The following MAP2K5 variants were observed in gnomAD, a reference collection of about 807,000 sequenced individuals.
MAP2K5 encodes the protein mitogen-activated protein kinase kinase 5, also known as dual specificity mitogen-activated protein kinase kinase 5.
Under a neutral mutation model 83.1 loss-of-function variants are expected in MAP2K5, and 49 were observed. The ratio of observed to expected loss-of-function variants is 0.59; its 90% CI spans 0.47 to 0.75. The LOEUF is 0.75. Ranked by LOEUF, MAP2K5 falls within the 30% of genes least tolerant of loss-of-function variation. MAP2K5 has a pLI of 0.00. For synonymous variants in MAP2K5, 202 were observed against 191.8 expected, an observed-to-expected ratio of 1.05 and a Z score of -0.44; for missense variants, 457 against 557.5, an observed-to-expected ratio of 0.82 and a Z score of 1.82.
At chr15:67,694,485 G>C (rs1247726769) in intron 15 of MAP2K5, among the ~76,000 whole-genome samples, 1 of 151,914 alleles carries the variant, frequency 6.6e-6, no homozygotes, top group Non-Finnish European at 1.5e-5. Context: ...AAAGATTTAG[G>C]GATGGAAAAA....
At position 67,543,551 on chromosome 15, in the gene MAP2K5, C is replaced by A; in HGVS notation, c.135+81C>A. ...AGTCAGCACCTTGACCACTGGTGACCTGAGCCAGTGGCAATGGCTACTGCT... is the reference window on the plus strand; with the variant it reads ...AGTCAGCACCTTGACCACTGGTGACATGAGCCAGTGGCAATGGCTACTGCT... On this transcript the variant is annotated intron_variant, in intron 1 of 21. Transcript: ENST00000178640. The surrounding 1 kb of genome is among the most constrained non-coding windows in gnomAD (Gnocchi z 4.3). The A allele has an allele frequency of 6.5e-7, 1 of 1,533,600 alleles. No homozygotes were observed. Among genetic ancestry groups the A allele is most frequent in the South Asian group, 1.1e-5 (1 of 87,494 alleles). The allele number at this position is 1,533,600 out of a possible 1,614,324, so 95.0% of individuals were successfully genotyped here.
At chr15:67,773,140 A>G (rs16951258) in intron 21 of MAP2K5, among the ~76,000 whole-genome samples, 17,852 of 152,162 alleles carry the variant, frequency 0.12, 1,124 homozygotes, top group African/African-American at 0.14. Flanking sequence ...GTCCTCTTAG[A>G]TTCATGTAGA....
intron 4 of MAP2K5, 86 bp from the exon 5 acceptor site, chr15:67,585,804 C>A (rs1015523745): frequency 1.7e-6 from 2 of 1,156,344 alleles, no homozygotes; most frequent in African/African-American, 3.0e-5. Context: ...TTTGGTGTCA[C>A]CCTCATTTCT....
At chr15:67,604,692 T>A (rs1260789756) in intron 8 of MAP2K5, among the ~76,000 whole-genome samples, 1 of 151,888 alleles carries the variant, frequency 6.6e-6, no homozygotes, top group African/African-American at 2.4e-5. Context: ...GTCAAGAGAT[T>A]GAGACCATCC....
At chr15:67,549,038 C>G (rs1567265523) in intron 1 of MAP2K5, 1 of 1,486,180 alleles carries the variant, frequency 6.7e-7, no homozygotes, top group Non-Finnish European at 8.9e-7. Flanking sequence ...CTTGGAAAGG[C>G]TGTGGGCTCC....
At chr15:67,547,823 G>T (rs991654104) in intron 1 of MAP2K5, among the ~76,000 whole-genome samples, 1 of 152,172 alleles carries the variant, frequency 6.6e-6, no homozygotes, top group African/African-American at 2.4e-5. Flanking sequence ...GCAGAAGAAG[G>T]CCGCTTGGAA....
At position 67,736,102 on chromosome 15, in the gene MAP2K5, C is replaced by T. The variant is rs1322341640; in HGVS notation, c.1074+8157C>T. Among the ~76,000 whole-genome samples the T allele has an allele frequency of 1.3e-5, 2 of 152,064 alleles. No individual in the cohort carries two copies. Among genetic ancestry groups the T allele is most frequent in the Admixed American group, 6.6e-5 (1 of 15,264 alleles). On this transcript the variant is annotated intron_variant, in intron 17 of 21. Transcript: ENST00000178640. The surrounding 1 kb of genome is among the most constrained non-coding windows in gnomAD (Gnocchi z 4.3). ...TCTCCTAGGTAACTTTTAAAGTCAC[C>T]GTGGGAAGGAAGTAAGAAAAGGGAG...
intron 8 of MAP2K5, chr15:67,627,843 C>T (rs56056420): frequency 7.7e-6 from 4 of 518,772 alleles, no homozygotes; most frequent in East Asian, 7.6e-5. Context: ...TCTGTTCTCC[C>T]TGCTGTCATG....
intron 21 of MAP2K5, among the ~76,000 whole-genome samples, chr15:67,797,612 T>A (rs986392880): frequency 3.3e-5 from 5 of 152,228 alleles, no homozygotes; most frequent in African/African-American, 1.2e-4. Flanking sequence ...ATAGTTTTTC[T>A]AGGTATAGAT....
rs1397716597 is a variant in MAP2K5, at chr15:67,757,056, C to A, written c.1134+8455C>A. ...GTGATTTATTTCCTTTAGATATACA[C>A]CGAGAAGTTGGATTACTGAATCATA... On this transcript the variant is annotated intron_variant, in intron 19 of 21. Coordinates refer to ENST00000178640, the MANE Select transcript of MAP2K5 (RefSeq NM_145160.3). This position sits in a 1 kb window ranked among gnomAD's most constrained non-coding sequence, Gnocchi z 4.9. Among the ~76,000 whole-genome samples the A allele has an allele frequency of 1.3e-5, 2 of 152,216 alleles. No homozygotes were observed. Among genetic ancestry groups the A allele is most frequent in the Non-Finnish European group, 2.9e-5 (2 of 67,996 alleles).
chr15:67,560,956 A>G (rs2084723674), intron 2 of MAP2K5, among the ~76,000 whole-genome samples: 1 of 152,200 alleles, frequency 6.6e-6, no homozygotes, highest in Admixed American at 6.5e-5. Flanking sequence ...TCGTTTTACC[A>G]AAATATAAGC....
Position 67,636,176 on chromosome 15 carries a change from G to A in MAP2K5, c.585+5249G>A, listed in dbSNP as rs2086598379. Among the ~76,000 whole-genome samples the A allele has an allele frequency of 6.6e-6, 1 of 152,150 alleles. No individual in the cohort carries two copies. The highest frequency in any genetic ancestry group is 1.5e-5 in the Non-Finnish European group (1 of 68,036). ...GCCTGTAATCCCAGCACTTTGAAAG[G>A]CTGAGGTGGGCGGATCATGAGGTCA... On this transcript the variant is annotated intron_variant, in intron 9 of 21. Transcript: ENST00000178640. The surrounding 1 kb of genome is among the most constrained non-coding windows in gnomAD (Gnocchi z 4.7).
intron 16 of MAP2K5, among the ~76,000 whole-genome samples, chr15:67,714,747 A>G (rs2088790041): frequency 6.6e-6 from 1 of 152,148 alleles, no homozygotes; most frequent in African/African-American, 2.4e-5. Context: ...AGTACTCCCA[A>G]ATTCGAAATT....
At chr15:67,586,582 G>C (rs2085296486) in intron 5 of MAP2K5, among the ~76,000 whole-genome samples, 1 of 152,292 alleles carries the variant, frequency 6.6e-6, no homozygotes, top group Non-Finnish European at 1.5e-5. Context: ...TCTAGACAGT[G>C]AGTTGGATTT....
At chr15:67,545,310 T>C (rs35948216) in intron 1 of MAP2K5, among the ~76,000 whole-genome samples, 1 of 152,236 alleles carries the variant, frequency 6.6e-6, no homozygotes, top group Non-Finnish European at 1.5e-5. Context: ...GATATGTTTG[T>C]TTTTGTTTCT....
intron 17 of MAP2K5, among the ~76,000 whole-genome samples, chr15:67,735,364 G>A (rs561281684): frequency 2.0e-5 from 3 of 152,288 alleles, no homozygotes; most frequent in South Asian, 2.1e-4. Flanking sequence ...AGTTAGGTTC[G>A]TGATTCCTGT....
At position 67,778,936 on chromosome 15, in the gene MAP2K5, T is replaced by C. The variant is rs2090282037; in HGVS notation, c.1242+6184T>C. Reference sequence around the variant, plus strand: ...GGTTAATAAATTGTGAACTTGGATGTAGTTCACTACAGTTAGGTATTGCCT... The same window carrying C: ...GGTTAATAAATTGTGAACTTGGATGCAGTTCACTACAGTTAGGTATTGCCT... On this transcript the variant is annotated intron_variant, in intron 21 of 21. Transcript: ENST00000178640. This position sits in a 1 kb window ranked among gnomAD's most constrained non-coding sequence, Gnocchi z 5.0. Among the ~76,000 whole-genome samples, 1 of 152,204 alleles carries C rather than the reference T, an allele frequency of 6.6e-6. No homozygotes were observed. Among genetic ancestry groups the C allele is most frequent in the Non-Finnish European group, 1.5e-5 (1 of 68,022 alleles).
At chr15:67,714,499 G>A (rs1421696032) in intron 16 of MAP2K5, among the ~76,000 whole-genome samples, 1 of 139,448 alleles carries the variant, frequency 7.2e-6, no homozygotes, top group Non-Finnish European at 1.5e-5. Context: ...TGTGGTTGTG[G>A]CTTTGTTTGC....
rs1004635078 is a variant in MAP2K5, at chr15:67,783,167, C to G, written c.1242+10415C>G. Among the ~76,000 whole-genome samples the G allele has an allele frequency of 6.6e-6, 1 of 152,214 alleles. No individual in the cohort carries two copies. The highest frequency in any genetic ancestry group is 1.5e-5 in the Non-Finnish European group (1 of 68,044). On this transcript the variant is annotated intron_variant, in intron 21 of 21. Coordinates refer to ENST00000178640, the MANE Select transcript of MAP2K5 (RefSeq NM_145160.3). This position sits in a 1 kb window ranked among gnomAD's most constrained non-coding sequence, Gnocchi z 5.1. ...TTAGCATCTGCTCTGTGCCCAGCAT[C>G]CTGCCTGACACCGAGGAGGCAGCAT...
Sources: allele counts gnomAD v4.1 joint callset (sites outside exome capture counted in the v4.1 genomes callset), GRCh38; gene constraint gnomAD v4.1.1; non-coding constraint Gnocchi (gnomAD v3.1); transcripts MANE v1.5; gene names NCBI Gene and HGNC (gene_info 2026-07-23, HGNC 2026-07-21).